ROBO2: variants seen among roughly 807,000 people sequenced by gnomAD.
ROBO2 encodes roundabout guidance receptor 2, also known as roundabout homolog 2.
Under a neutral mutation model 160.8 loss-of-function variants are expected in ROBO2, and 53 were observed. The ratio of observed to expected loss-of-function variants is 0.33; its 90% confidence interval spans 0.26 to 0.41. ROBO2 has a LOEUF of 0.41. ROBO2 is among the 10% of genes least tolerant of loss of function. The pLI is 1.00. For missense variants in ROBO2, 1,577 were observed against 1,722.4 expected, an observed-to-expected ratio of 0.92 and a Z score of 1.49; for synonymous variants, 664 against 611.7, an observed-to-expected ratio of 1.09 and a Z score of -1.26.
At chr3:76,580,974 G>T (rs1388851289) in intron 2 of ROBO2, among the ~76,000 whole-genome samples, 3 of 152,110 alleles carry the variant, frequency 2.0e-5, no homozygotes, top group African/African-American at 7.2e-5. Flanking sequence ...TAGTTCTGAT[G>T]ATCTAATTCA....
In ROBO2 at chr3:77,628,949, C is replaced by T. The variant is rs2153711090; in HGVS notation, c.3761-5921C>T. Among the ~76,000 whole-genome samples, 3 of 152,316 alleles carry T rather than the reference C, an allele frequency of 2.0e-5. 1 individual carries two copies. The highest frequency in any genetic ancestry group is 6.8e-3 in the Middle Eastern group (2 of 294). ...ACAAGAAGTACAAAAGAAAGAATAG[C>T]TGACGTTCTTTCTGTATTTACCAAT... On this transcript the variant is annotated intron_variant, in intron 23 of 25. Transcript: ENST00000461745.
chr3:77,404,849 A>T (rs1036315117), intron 2 of ROBO2, among the ~76,000 whole-genome samples: 3 of 152,214 alleles, frequency 2.0e-5, no homozygotes, highest in Non-Finnish European at 4.4e-5. Flanking sequence ...GCATGACAAA[A>T]GAGACATTGG....
chr3:77,617,471 T>C lies in ROBO2; in HGVS notation c.3294-42T>C, dbSNP rs766925446. The C allele has an allele frequency of 1.2e-5, 20 of 1,611,144 alleles. No homozygotes were observed. The African/African-American group carries it at 2.4e-4, about 19-fold the overall frequency. On this transcript the variant is annotated intron_variant, in intron 21 of 25. Transcript: ENST00000461745. ...ATAATTGTGTGCATGTATGTGTATA[T>C]GTATTTGTGTCAATGTGCATATTTT...
intron 2 of ROBO2, among the ~76,000 whole-genome samples, chr3:76,302,994 G>C (rs1292062911): frequency 1.3e-5 from 2 of 151,954 alleles, no homozygotes; most frequent in Non-Finnish European, 2.9e-5. Context: ...ACATCCTGTT[G>C]GTATCTCTTA....
chr3:76,162,556 T>C (rs35803897), intron 2 of ROBO2, among the ~76,000 whole-genome samples: 16,561 of 152,210 alleles, frequency 0.11, 1,097 homozygotes, highest in African/African-American at 0.18. Context: ...TGAGCAATCT[T>C]CCTGCCTCAG....
rs149127051 is a variant in ROBO2, at chr3:76,046,932, G to C, written c.109+109330G>C. On this transcript the variant is annotated intron_variant, in intron 2 of 26. Transcript: ENST00000487694. ...GCATGATTCGTCAAAGTATCCATTT[G>C]TTCATTGACCACATTTCTGACACCA... 4.4e-3 allele frequency among the ~76,000 whole-genome samples: 663 copies of C among 152,136 alleles called. 7 individuals carry two copies. The highest frequency in any genetic ancestry group is 0.015 in the African/African-American group (632 of 41,502).
rs528259035 is a variant in ROBO2 at position 76,937,565 on chromosome 3, T to C, written c.110-160449T>C. Among the ~76,000 whole-genome samples the C allele has an allele frequency of 1.1e-4, 16 of 144,822 alleles. 1 individual carries two copies. The highest frequency in any genetic ancestry group is 4.6e-4 in the African/African-American group (16 of 34,484). On this transcript the variant is annotated intron_variant, in intron 2 of 26. Coordinates refer to the ROBO2 transcript ENST00000487694. ...GCATCTTAAAATAAAGAAAAGCCAA[T>C]AAAATAAAATAGTAATCTATAATCA...
chr3:76,589,457 G>A (rs745482943), intron 2 of ROBO2, among the ~76,000 whole-genome samples: 3 of 151,926 alleles, frequency 2.0e-5, no homozygotes, highest in Admixed American at 2.0e-4. Flanking sequence ...CCGCCACCAC[G>A]CCCGGCTAAT....
At chr3:77,445,750 A>G (rs1262426373) in intron 2 of ROBO2, among the ~76,000 whole-genome samples, 3 of 151,104 alleles carry the variant, frequency 2.0e-5, no homozygotes, top group African/African-American at 4.9e-5. Flanking sequence ...GTAGTAGCAT[A>G]TAAAGGTACC....
At chr3:76,409,298 T>C (rs1270150923) in intron 2 of ROBO2, among the ~76,000 whole-genome samples, 1 of 152,044 alleles carries the variant, frequency 6.6e-6, no homozygotes, top group East Asian at 1.9e-4. Flanking sequence ...ACAATTTTTT[T>C]CCTTAGTTTC....
chr3:77,648,859 G>A (rs956729416), exon 26 of ROBO2: 1 of 152,138 alleles, frequency 6.6e-6, no homozygotes, highest in Non-Finnish European at 1.5e-5. Flanking sequence ...TTTAAATGGA[G>A]GCCTGCATAA....
chr3:76,555,125 G>T (rs1053112111), intron 2 of ROBO2, among the ~76,000 whole-genome samples: 1 of 151,936 alleles, frequency 6.6e-6, no homozygotes, highest in Non-Finnish European at 1.5e-5. Flanking sequence ...TGAAATGGAG[G>T]ACATTCAATT....
chr3:76,042,605 GA>G (rs1479156060), intron 2 of ROBO2, among the ~76,000 whole-genome samples: 1 of 151,856 alleles, frequency 6.6e-6, no homozygotes, highest in African/African-American at 2.4e-5. Context: ...CCTGTTTTAA[GA>G]AAAAAACAAG....
At chr3:76,056,965 G>A (rs922190859) in intron 2 of ROBO2, among the ~76,000 whole-genome samples, 1 of 152,128 alleles carries the variant, frequency 6.6e-6, no homozygotes, top group Non-Finnish European at 1.5e-5. Context: ...ATTATGTTGT[G>A]TATGCCTGTG....
At chr3:76,059,834 T>A (rs1211856587) in intron 2 of ROBO2, among the ~76,000 whole-genome samples, 1 of 152,204 alleles carries the variant, frequency 6.6e-6, no homozygotes, top group Non-Finnish European at 1.5e-5. Context: ...GTATAAGGTG[T>A]GAGGAAAGGA....
intron 2 of ROBO2, among the ~76,000 whole-genome samples, chr3:77,213,142 G>GTC (rs2084419068): frequency 6.6e-6 from 1 of 152,154 alleles, no homozygotes; most frequent in African/African-American, 2.4e-5. Flanking sequence ...AATAGTTTCA[G>GTC]AAGGAATGGT....
intron 2 of ROBO2, among the ~76,000 whole-genome samples, chr3:77,194,974 A>T (rs1326120798): frequency 2.0e-5 from 3 of 152,152 alleles, no homozygotes; most frequent in African/African-American, 7.2e-5. Context: ...ATTTCATAAT[A>T]TAGGGGCAAT....
intron 2 of ROBO2, among the ~76,000 whole-genome samples, chr3:77,415,776 G>T (rs1487030500): frequency 6.6e-6 from 1 of 152,060 alleles, no homozygotes; most frequent in Non-Finnish European, 1.5e-5. Context: ...GAGACCTAGG[G>T]GTTTTATGGC....
chr3:76,386,288 A>G (rs923407486), intron 2 of ROBO2, among the ~76,000 whole-genome samples: 4 of 151,496 alleles, frequency 2.6e-5, no homozygotes, highest in East Asian at 3.9e-4. Context: ...ACCTTTCTTC[A>G]TATTACTCCT....
Sources: allele counts gnomAD v4.1 joint callset (sites outside exome capture counted in the v4.1 genomes callset), GRCh38; gene constraint gnomAD v4.1.1; transcripts MANE v1.5; gene names NCBI Gene and HGNC (gene_info 2026-07-23, HGNC 2026-07-21).